The following CHCHD6 variants were observed in gnomAD, a reference collection of about 807,000 sequenced individuals.
CHCHD6 encodes the protein coiled-coil-helix-coiled-coil-helix domain containing 6.
In CHCHD6, 28 loss-of-function variants were observed where a neutral mutation model predicts 32.3. The ratio of observed to expected loss-of-function variants is 0.87; its 90% CI spans 0.64 to 1.19. CHCHD6 has a LOEUF of 1.19. Ranked by LOEUF, CHCHD6 falls within the 50% of genes most tolerant of loss-of-function variation. CHCHD6 has a pLI of 0.00. For synonymous variants in CHCHD6, 122 were observed against 117.5 expected (o/e 1.04, Z -0.25); for missense variants, 333 against 307.0 (o/e 1.08, Z -0.63).
At chr3:126,906,235 C>G (rs900434186) in intron 5 of CHCHD6, among the ~76,000 whole-genome samples, 1 of 152,240 alleles carries the variant, frequency 6.6e-6, no homozygotes, top group African/African-American at 2.4e-5. Flanking sequence ...TCCATGCTCC[C>G]TCAGGGAATG....
chr3:126,923,366 C>A (rs963051545), intron 6 of CHCHD6, among the ~76,000 whole-genome samples: 3 of 152,124 alleles, frequency 2.0e-5, no homozygotes, highest in Non-Finnish European at 4.4e-5. Context: ...TTTGTCTTAC[C>A]CAGAGGTCAA....
intron 5 of CHCHD6, among the ~76,000 whole-genome samples, chr3:126,911,882 G>A (rs890426649): frequency 6.6e-6 from 1 of 152,214 alleles, no homozygotes; most frequent in Non-Finnish European, 1.5e-5. Flanking sequence ...ATGGTGACCT[G>A]ACACTCAGGA....
At chr3:126,934,026 G>A (rs977145593) in intron 6 of CHCHD6, among the ~76,000 whole-genome samples, 4 of 152,158 alleles carry the variant, frequency 2.6e-5, no homozygotes, top group South Asian at 2.1e-4. Flanking sequence ...TCCTGTCAGC[G>A]GCCTCAGCCT....
intron 5 of CHCHD6, among the ~76,000 whole-genome samples, chr3:126,864,169 ACCACCTCC>A (rs940496924): frequency 1.2e-5 from 1 of 83,482 alleles, no homozygotes; most frequent in Non-Finnish European, 2.4e-5. Flanking sequence ...CTCCACCATC[ACCACCTCC>A]CCACCTCCCC....
Position 126,957,427 on chromosome 3 carries a change from TG to T in CHCHD6, c.580del (p.Glu194SerfsTer36). 6.2e-7 allele frequency: 1 copy of T among 1,610,998 alleles called. No individual in the cohort carries two copies. On this transcript the variant is annotated frameshift_variant, in exon 7 of 8. Transcript: ENST00000290913. LOFTEE classifies it high-confidence loss of function. Reference sequence around the variant, plus strand: ...CTTGTCTTCTGCAGGCCCCGCAGGGTGGAGCCCGTCTGCTCAGGGTTGCAGG... The same window carrying T: ...CTTGTCTTCTGCAGGCCCCGCAGGGTGAGCCCGTCTGCTCAGGGTTGCAGG... ...KMESTIKPRR[V>X]EPVCSGLQAQ...
At chr3:126,833,009 G>A (rs1441125866) in intron 4 of CHCHD6, among the ~76,000 whole-genome samples, 2 of 152,208 alleles carry the variant, frequency 1.3e-5, no homozygotes, top group African/African-American at 4.8e-5. Flanking sequence ...CTCCCCAAGT[G>A]GCTAAGAAAG....
intron 5 of CHCHD6, among the ~76,000 whole-genome samples, chr3:126,892,807 T>C (rs1172481721): frequency 5.9e-5 from 9 of 152,250 alleles, no homozygotes; most frequent in African/African-American, 2.2e-4. Flanking sequence ...ACCCATGCCT[T>C]GCCCAGCACT....
intron 4 of CHCHD6, among the ~76,000 whole-genome samples, chr3:126,756,439 A>G (rs1576377675): frequency 6.6e-6 from 1 of 152,182 alleles, no homozygotes; most frequent in African/African-American, 2.4e-5. Context: ...CAGCTGGACC[A>G]TGGAGAGCTT....
chr3:126,767,392 G>C (rs992695099), intron 4 of CHCHD6: 54 of 754,992 alleles, frequency 7.2e-5, no homozygotes, highest in Non-Finnish European at 1.0e-4. Flanking sequence ...TGAGGCCCTC[G>C]ATGAGTCTGG....
At chr3:126,733,961 C>T (rs1935925133) in intron 4 of CHCHD6, among the ~76,000 whole-genome samples, 1 of 152,176 alleles carries the variant, frequency 6.6e-6, no homozygotes, top group African/African-American at 2.4e-5. Flanking sequence ...CACAGTGTGC[C>T]AGTGCATCCT....
chr3:126,760,380 A>G (rs1937116704), intron 4 of CHCHD6, among the ~76,000 whole-genome samples: 1 of 152,238 alleles, frequency 6.6e-6, no homozygotes, highest in African/African-American at 2.4e-5. Context: ...ATTTTTAAGT[A>G]TACAATTCAT....
intron 4 of CHCHD6, among the ~76,000 whole-genome samples, chr3:126,749,831 T>C (rs1168119347): frequency 6.6e-6 from 1 of 152,218 alleles, no homozygotes; most frequent in Non-Finnish European, 1.5e-5. Context: ...CCACTGCTAG[T>C]GACAGGTTGT....
At chr3:126,803,570 C>A (rs9848921) in intron 4 of CHCHD6, among the ~76,000 whole-genome samples, 2,145 of 152,272 alleles carry the variant, frequency 0.014, 36 homozygotes, top group Non-Finnish European at 0.016. Context: ...TAAAGCAAGT[C>A]CTGAGTGACC....
At chr3:126,931,331 C>A (rs555987567) in intron 6 of CHCHD6, among the ~76,000 whole-genome samples, 42 of 152,218 alleles carry the variant, frequency 2.8e-4, no homozygotes, top group Non-Finnish European at 5.1e-4. Flanking sequence ...GTGGAATTCG[C>A]AGCAGGCCTT....
intron 4 of CHCHD6, chr3:126,767,479 C>T (rs1937423307): frequency 1.7e-6 from 1 of 599,976 alleles, no homozygotes; most frequent in Admixed American, 2.7e-5. Flanking sequence ...TCTTTCCTGA[C>T]TTTTCCTCCC....
intron 4 of CHCHD6, among the ~76,000 whole-genome samples, chr3:126,751,128 G>A (rs994833429): frequency 3.3e-5 from 5 of 151,308 alleles, no homozygotes; most frequent in African/African-American, 1.2e-4. Context: ...GGCCTTGCCG[G>A]GCCTCTGGGG....
At chr3:126,925,086 T>G (rs994849441) in intron 6 of CHCHD6, among the ~76,000 whole-genome samples, 2 of 152,216 alleles carry the variant, frequency 1.3e-5, no homozygotes, top group African/African-American at 2.4e-5. Flanking sequence ...AGGAATGATG[T>G]TGAACCTTTA....
intron 4 of CHCHD6, among the ~76,000 whole-genome samples, chr3:126,787,916 G>A (rs1414773615): frequency 6.6e-6 from 1 of 152,152 alleles, no homozygotes; most frequent in Non-Finnish European, 1.5e-5. Context: ...TTTTCAAAGG[G>A]AATGCTTCCA....
chr3:126,736,257 C>T (rs1200339261), intron 4 of CHCHD6, among the ~76,000 whole-genome samples: 2 of 152,222 alleles, frequency 1.3e-5, no homozygotes, highest in Admixed American at 6.5e-5. Context: ...AGTTGGCAGC[C>T]TGCTGCGTGG....
Sources: gnomAD v4.1 joint callset for allele counts (sites outside exome capture counted in the v4.1 genomes callset) on GRCh38, gnomAD v4.1.1 for gene constraint, MANE v1.5 for transcripts, NCBI Gene and HGNC (gene_info 2026-07-23, HGNC 2026-07-21) for gene names.